The following RGL1 variants were observed in gnomAD, a reference collection of about 807,000 sequenced individuals.
RGL1 encodes the protein ral guanine nucleotide dissociation stimulator like 1.
Under a neutral mutation model 95.2 loss-of-function variants are expected in RGL1, and 24 were observed. The ratio of observed to expected loss-of-function variants is 0.25; its 90% CI spans 0.18 to 0.35. The LOEUF is 0.35. RGL1 is among the 10% of genes least tolerant of loss of function. The pLI, the probability that RGL1 is intolerant of heterozygous loss-of-function variation, is 1.00. For missense variants in RGL1, 715 were observed against 936.3 expected, an observed-to-expected ratio of 0.76 and a Z score of 3.08; for synonymous variants, 329 against 344.9, an observed-to-expected ratio of 0.95 and a Z score of 0.51.
At chr1:183,872,069 A>G (rs1666214685) in intron 4 of RGL1, among the ~76,000 whole-genome samples, 2 of 152,228 alleles carry the variant, frequency 1.3e-5, no homozygotes, top group Admixed American at 6.5e-5. Context: ...GACAGAAGAA[A>G]ACATTTCTGC....
chr1:183,884,162 C>A (rs563654228), intron 6 of RGL1, among the ~76,000 whole-genome samples: 1 of 152,194 alleles, frequency 6.6e-6, no homozygotes, highest in African/African-American at 2.4e-5. Flanking sequence ...AATAAGAATT[C>A]GAATCCCTGT....
At chr1:183,824,400 G>A (rs1017407085) in intron 2 of RGL1, among the ~76,000 whole-genome samples, 4 of 151,940 alleles carry the variant, frequency 2.6e-5, no homozygotes, top group Non-Finnish European at 4.4e-5. Context: ...CTCTATCTTG[G>A]GCTTTAGTTT....
chr1:183,845,195 C>A (rs912260946), intron 2 of RGL1, among the ~76,000 whole-genome samples: 3 of 152,072 alleles, frequency 2.0e-5, no homozygotes, highest in Non-Finnish European at 4.4e-5. Context: ...ATTCAACTTG[C>A]GATTCAGATA....
chr1:183,863,479 G>A (rs1010729087), intron 3 of RGL1, among the ~76,000 whole-genome samples: 1 of 151,944 alleles, frequency 6.6e-6, no homozygotes, highest in Non-Finnish European at 1.5e-5. Context: ...TTTTATGGGA[G>A]GGTTTTGAGT....
intron 1 of RGL1, among the ~76,000 whole-genome samples, chr1:183,738,900 CAAAAGAAA>C (rs1657115069): frequency 6.6e-6 from 1 of 150,636 alleles, no homozygotes; most frequent in African/African-American, 2.4e-5. Context: ...GACCCTGTCT[CAAAAGAAA>C]AAAAGAAAAG....
intron 2 of RGL1, among the ~76,000 whole-genome samples, chr1:183,763,704 C>T (rs1260055581): frequency 1.3e-5 from 2 of 152,148 alleles, no homozygotes; most frequent in Non-Finnish European, 2.9e-5. Context: ...AAAGTGGGTA[C>T]ACTAATAGGA....
chr1:183,888,806 G>A (rs1355476791), intron 8 of RGL1, among the ~76,000 whole-genome samples: 1 of 152,102 alleles, frequency 6.6e-6, no homozygotes, highest in Non-Finnish European at 1.5e-5. Flanking sequence ...TATTGGCTTT[G>A]GGGATGATTT....
At chr1:183,775,636 T>C (rs1299598736) in intron 2 of RGL1, among the ~76,000 whole-genome samples, 1 of 152,224 alleles carries the variant, frequency 6.6e-6, no homozygotes, top group Non-Finnish European at 1.5e-5. Context: ...TGGGCAAGAG[T>C]TAATTCTCTA....
intron 2 of RGL1, among the ~76,000 whole-genome samples, chr1:183,772,233 C>G (rs999936876): frequency 6.6e-6 from 1 of 152,302 alleles, no homozygotes; most frequent in Admixed American, 6.5e-5. Context: ...CTGGTTAACA[C>G]AAGCCGCCTA....
intron 16 of RGL1, among the ~76,000 whole-genome samples, chr1:183,921,232 C>G (rs979583512): frequency 6.6e-6 from 1 of 152,292 alleles, no homozygotes; most frequent in East Asian, 1.9e-4. Context: ...AAAACACTTA[C>G]AAGCTGATGT....
At chr1:183,718,141 G>A (rs946953961) in intron 1 of RGL1, among the ~76,000 whole-genome samples, 13 of 151,932 alleles carry the variant, frequency 8.6e-5, no homozygotes, top group Non-Finnish European at 1.3e-4. Flanking sequence ...AGCTACTTGG[G>A]AGGCTGAGGC....
At chr1:183,842,656 T>G (rs755783437) in intron 2 of RGL1, among the ~76,000 whole-genome samples, 2 of 152,194 alleles carry the variant, frequency 1.3e-5, no homozygotes, top group African/African-American at 4.8e-5. Context: ...ATCTTGTCAG[T>G]AAAGCGACGG....
chr1:183,812,004 GCTGGAATTTGTCA>G (rs1661749322), intron 2 of RGL1, among the ~76,000 whole-genome samples: 1 of 152,118 alleles, frequency 6.6e-6, no homozygotes, highest in Non-Finnish European at 1.5e-5. Flanking sequence ...TTAGAGCTTA[GCTGGAATTTGTCA>G]CTGCCCAATT....
intron 1 of RGL1, among the ~76,000 whole-genome samples, chr1:183,666,552 C>T (rs1652051604): frequency 6.6e-6 from 1 of 151,784 alleles, no homozygotes. Flanking sequence ...GAGGTTTCAC[C>T]ATGTTTCCCA....
chr1:183,717,106 C>T (rs1338364284), intron 1 of RGL1, among the ~76,000 whole-genome samples: 3 of 152,220 alleles, frequency 2.0e-5, no homozygotes, highest in African/African-American at 4.8e-5. Context: ...TTAGGTGTTA[C>T]AGCCAGCATT....
chr1:183,907,470 C>A (rs562244349), intron 14 of RGL1, among the ~76,000 whole-genome samples: 3 of 152,232 alleles, frequency 2.0e-5, no homozygotes, highest in African/African-American at 7.2e-5. Flanking sequence ...AAAATAAAAC[C>A]CAAACTCTGT....
intron 1 of RGL1, among the ~76,000 whole-genome samples, chr1:183,670,229 G>A (rs1412732275): frequency 6.6e-6 from 1 of 152,196 alleles, no homozygotes; most frequent in Non-Finnish European, 1.5e-5. Context: ...TTTCTTCCAT[G>A]TGGAAAGCTA....
At position 183,648,508 on chromosome 1, in the gene RGL1, T is replaced by C. The variant is rs149613253; in HGVS notation, c.-33+12007T>C. ...TCAAAGAGCATTGATTCTGGATGGATATAATTCCCAGTGCAACTGCTAGCA... is the reference window on the plus strand; with the variant it reads ...TCAAAGAGCATTGATTCTGGATGGACATAATTCCCAGTGCAACTGCTAGCA... On this transcript the variant is annotated intron_variant, in intron 1 of 18. Coordinates refer to the RGL1 transcript ENST00000304685. 1.7e-3 allele frequency: 2,686 copies of C among 1,614,114 alleles called. 4 individuals are homozygous for C. Among genetic ancestry groups the C allele is most frequent in the Non-Finnish European group, 2.0e-3 (2,405 of 1,180,042 alleles).
intron 14 of RGL1, among the ~76,000 whole-genome samples, chr1:183,910,919 G>A (rs913095345): frequency 1.2e-4 from 19 of 152,250 alleles, no homozygotes; most frequent in African/African-American, 4.6e-4. Context: ...GCAGATATTT[G>A]TTGGATGAAT....
Sources: gnomAD v4.1 joint callset for allele counts (sites outside exome capture counted in the v4.1 genomes callset) on GRCh38, gnomAD v4.1.1 for gene constraint, MANE v1.5 for transcripts, NCBI Gene and HGNC (gene_info 2026-07-23, HGNC 2026-07-21) for gene names.